The following CDK8 variants were observed in gnomAD, a reference collection of about 807,000 sequenced individuals.
The protein encoded by CDK8 is cyclin-dependent kinase 8.
CDK8 carries 29 observed loss-of-function variants against 71.5 expected under a neutral mutation model. The ratio of observed to expected loss-of-function variants is 0.41; its 90% CI spans 0.30 to 0.55. CDK8 has a LOEUF of 0.55. Among genes scored for constraint, CDK8 ranks in the 20% least tolerant of loss-of-function variants. The probability of loss-of-function intolerance (pLI) is 0.37; values close to 1 mark genes in which losing one functional copy is unlikely to be tolerated. For missense variants in CDK8, 288 were observed against 572.6 expected (o/e 0.50, Z 5.07); for synonymous variants, 161 against 192.1 (o/e 0.84, Z 1.34).
chr13:26,286,245 A>G (rs1267245114), intron 1 of CDK8, among the ~76,000 whole-genome samples: 1 of 152,236 alleles, frequency 6.6e-6, no homozygotes, highest in African/African-American at 2.4e-5. Flanking sequence ...GCATCACATT[A>G]TCTGACTTCA....
intron 4 of CDK8, among the ~76,000 whole-genome samples, chr13:26,366,637 G>A (rs1874402604): frequency 6.6e-6 from 1 of 152,122 alleles, no homozygotes; most frequent in Non-Finnish European, 1.5e-5. Flanking sequence ...AAGTAGGTAT[G>A]TGTTCTGAAG....
chr13:26,360,645 A>G (rs1389335473), intron 4 of CDK8, among the ~76,000 whole-genome samples: 1 of 152,168 alleles, frequency 6.6e-6, no homozygotes, highest in African/African-American at 2.4e-5. Context: ...CTGTGTTTGT[A>G]TGCCTCCCAC....
intron 4 of CDK8, among the ~76,000 whole-genome samples, chr13:26,358,653 T>G (rs1413091134): frequency 6.6e-6 from 1 of 152,190 alleles, no homozygotes; most frequent in African/African-American, 2.4e-5. Context: ...ATACCCAAAA[T>G]AATTCAAAGC....
intron 6 of CDK8, among the ~76,000 whole-genome samples, chr13:26,386,228 A>G (rs1366410756): frequency 1.3e-5 from 2 of 152,204 alleles, no homozygotes; most frequent in Non-Finnish European, 2.9e-5. Context: ...TGCTAACCAT[A>G]GTTCCCACAG....
intron 4 of CDK8, chr13:26,359,023 T>C: frequency 3.3e-6 from 1 of 304,416 alleles, no homozygotes; most frequent in Non-Finnish European, 6.5e-6. Context: ...TAAGACTCTG[T>C]CTGTAAAATA....
At chr13:26,336,020 T>G (rs1872965413) in intron 1 of CDK8, among the ~76,000 whole-genome samples, 1 of 152,186 alleles carries the variant, frequency 6.6e-6, no homozygotes, top group African/African-American at 2.4e-5. Flanking sequence ...TTCTTGATTT[T>G]ATCCCCAGCC....
intron 9 of CDK8, among the ~76,000 whole-genome samples, chr13:26,398,338 G>A (rs1478552299): frequency 6.6e-6 from 1 of 152,104 alleles, no homozygotes; most frequent in African/African-American, 2.4e-5. Context: ...CAGAAGATTA[G>A]AAGTCATGAC....
intron 1 of CDK8, among the ~76,000 whole-genome samples, chr13:26,293,022 GATTCCATGGTGTA>G (rs955351948): frequency 6.6e-6 from 1 of 152,108 alleles, no homozygotes; most frequent in African/African-American, 2.4e-5. Flanking sequence ...TGTCCTGTGT[GATTCCATGGTGTA>G]ATGGCAAGCA....
intron 6 of CDK8, among the ~76,000 whole-genome samples, chr13:26,391,797 T>G (rs957540892): frequency 2.0e-5 from 3 of 152,244 alleles, no homozygotes; most frequent in Non-Finnish European, 4.4e-5. Context: ...TGTCATTTTT[T>G]AAAATCACTT....
intron 1 of CDK8, among the ~76,000 whole-genome samples, chr13:26,304,780 G>T (rs1195248615): frequency 6.6e-6 from 1 of 151,824 alleles, no homozygotes; most frequent in Non-Finnish European, 1.5e-5. Context: ...GGGACTACAG[G>T]TGCACACTAC....
At chr13:26,344,257 T>A (rs1873366770) in intron 2 of CDK8, among the ~76,000 whole-genome samples, 1 of 152,198 alleles carries the variant, frequency 6.6e-6, no homozygotes, top group Non-Finnish European at 1.5e-5. Flanking sequence ...TATCATTCCG[T>A]GGTGTATATG....
chr13:26,315,654 T>A (rs536871266), intron 1 of CDK8, among the ~76,000 whole-genome samples: 1 of 152,236 alleles, frequency 6.6e-6, no homozygotes, highest in Non-Finnish European at 1.5e-5. Flanking sequence ...TGGTTGAGGA[T>A]GTTTTCTGGA....
At chr13:26,344,110 A>G (rs1450795533) in intron 2 of CDK8, among the ~76,000 whole-genome samples, 5 of 151,934 alleles carry the variant, frequency 3.3e-5, no homozygotes, top group Admixed American at 1.3e-4. Context: ...TGTTTATCCA[A>G]TGTTTAGCCC....
intron 1 of CDK8, among the ~76,000 whole-genome samples, chr13:26,258,516 G>C (rs1871628742): frequency 7.1e-6 from 1 of 141,706 alleles, no homozygotes; most frequent in Non-Finnish European, 1.5e-5. Context: ...TGTGTGTGTA[G>C]GACTAAACTC....
Position 26,349,113 on chromosome 13 carries a change from A to G in CDK8, c.246A>G (p.Gln82=). 5 of 1,613,532 alleles carry G rather than the reference A, an allele frequency of 3.1e-6. No homozygotes were observed. Among genetic ancestry groups the G allele is most frequent in the Non-Finnish European group, 3.4e-6 (4 of 1,179,608 alleles). ...AGCATCCAAACGTCATTTCTCTTCA[A>G]AAGGTGTTTCTGTCTCATGCTGATA... is the stretch of plus-strand genomic sequence containing the variant. ...ELKHPNVISL[Q]KVFLSHADRK... The change falls in exon 3 of 13, where the codon CAA becomes CAG. Residue 82 remains glutamine, a synonymous_variant. Transcript: ENST00000381527.
rs563578387 is a variant in CDK8 at position 26,322,579 on chromosome 13, C to T, written c.129-14988C>T. ...TTTCTTCTTGCCAGTTTTTAATTCACGAGAAACACTCTACCTGTATCTGGG... is the reference window on the plus strand; with the variant it reads ...TTTCTTCTTGCCAGTTTTTAATTCATGAGAAACACTCTACCTGTATCTGGG... On this transcript the variant is annotated intron_variant, in intron 1 of 12. Coordinates refer to ENST00000381527, the MANE Select transcript of CDK8 (RefSeq NM_001260.3). Among the ~76,000 whole-genome samples the T allele has an allele frequency of 4.6e-5, 7 of 152,240 alleles. No individual in the cohort carries two copies. In the East Asian group the frequency reaches 9.6e-4, roughly 21 times the overall value.
At chr13:26,310,877 C>T (rs1874254986) in intron 1 of CDK8, among the ~76,000 whole-genome samples, 1 of 152,050 alleles carries the variant, frequency 6.6e-6, no homozygotes, top group Admixed American at 6.6e-5. Context: ...ATTGGCTTTG[C>T]ATTGCATTTT....
intron 1 of CDK8, among the ~76,000 whole-genome samples, chr13:26,291,881 C>T (rs371699780): frequency 2.6e-5 from 4 of 152,214 alleles, no homozygotes; most frequent in African/African-American, 9.6e-5. Flanking sequence ...AGGTCTCCAT[C>T]ATCTTTCTGG....
intron 1 of CDK8, among the ~76,000 whole-genome samples, chr13:26,266,388 T>G (rs1478307437): frequency 6.6e-6 from 1 of 152,104 alleles, no homozygotes; most frequent in East Asian, 1.9e-4. Flanking sequence ...AAGAGATGTC[T>G]ACCTAGGAGG....
Sources: gnomAD v4.1 joint callset for allele counts (sites outside exome capture counted in the v4.1 genomes callset) on GRCh38, gnomAD v4.1.1 for gene constraint, MANE v1.5 for transcripts, NCBI Gene and HGNC (gene_info 2026-07-23, HGNC 2026-07-21) for gene names.